Variants in OSBP2 observed in about 807,000 individuals in gnomAD.
OSBP2 encodes the protein oxysterol binding protein 2, also known as oxysterol-binding protein 2.
A neutral mutation model predicts 96.0 loss-of-function variants in OSBP2; 66 were observed. The ratio of observed to expected loss-of-function variants is 0.69; its 90% CI spans 0.56 to 0.84. OSBP2 has a LOEUF of 0.84. Ranked by LOEUF, OSBP2 falls within the 40% of genes least tolerant of loss-of-function variation. OSBP2 has a pLI of 0.00. For synonymous variants in OSBP2, 525 were observed against 520.9 expected (o/e 1.01, Z -0.11); for missense variants, 1,038 against 1,222.7 (o/e 0.85, Z 2.25).
At position 30,730,809 on chromosome 22, in the gene OSBP2, A is replaced by ATATATATAAT. The variant is rs1569100787; in HGVS notation, c.645-10351_645-10350insATATATAATT. Among the ~76,000 whole-genome samples the ATATATATAAT allele has an allele frequency of 1.9e-4, 4 of 21,276 alleles. 1 individual carries two copies. The highest frequency in any genetic ancestry group is 3.4e-4 in the Non-Finnish European group (4 of 11,898). The allele number at this position is 21,276 out of a possible 152,430, so 14.0% of individuals were successfully genotyped here. On this transcript the variant is annotated intron_variant, in intron 1 of 13. Coordinates refer to ENST00000332585, the MANE Select transcript of OSBP2 (RefSeq NM_030758.4). The stretch of plus-strand genomic sequence containing the variant: ...ATATATATATATATATATATATATA[A>ATATATATAAT]TTTTTTTTTTTTTTCCCATGGACAT...
intron 2 of OSBP2, among the ~76,000 whole-genome samples, chr22:30,820,324 G>A (rs1001789266): frequency 6.6e-6 from 1 of 152,086 alleles, no homozygotes; most frequent in African/African-American, 2.4e-5. Context: ...AGGCATTTGA[G>A]TCTGCAGTGA....
intron 2 of OSBP2, among the ~76,000 whole-genome samples, chr22:30,842,084 C>T (rs940166444): frequency 1.3e-5 from 2 of 152,000 alleles, no homozygotes; most frequent in Non-Finnish European, 2.9e-5. Context: ...GTAGCTGGGA[C>T]CACAGGGGTG....
intron 1 of OSBP2, among the ~76,000 whole-genome samples, chr22:30,718,258 T>G (rs563352221): frequency 1.3e-5 from 2 of 152,276 alleles, no homozygotes; most frequent in East Asian, 3.9e-4. Flanking sequence ...GCAAAAGTTG[T>G]GCACTTAAAA....
At chr22:30,701,548 T>C (rs1486209790) in intron 1 of OSBP2, among the ~76,000 whole-genome samples, 1 of 152,028 alleles carries the variant, frequency 6.6e-6, no homozygotes, top group Non-Finnish European at 1.5e-5. Context: ...TTTCACCATG[T>C]TAGCCAGGAT....
rs2038506392 is a variant in OSBP2 at position 30,830,843 on chromosome 22, G to A, written c.854-39586G>A. On this transcript the variant is annotated intron_variant, in intron 2 of 13. Coordinates refer to ENST00000332585, the MANE Select transcript of OSBP2 (RefSeq NM_030758.4). ...TTTTAGGTCTCTATTTTTGGTCAAT[G>A]TTTTTCCTTTATACAAACATCCTTT... is the stretch of plus-strand genomic sequence containing the variant. 2.0e-5 allele frequency among the ~76,000 whole-genome samples: 3 copies of A among 150,316 alleles called. No individual in the cohort carries two copies. In the South Asian group the frequency reaches 6.3e-4, roughly 32 times the overall value.
Position 30,818,977 on chromosome 22 carries a change from G to A in OSBP2, c.854-51452G>A, listed in dbSNP as rs552222026. 2.0e-5 allele frequency among the ~76,000 whole-genome samples: 3 copies of A among 152,284 alleles called. No homozygotes were observed. The South Asian group carries it at 6.2e-4, about 32-fold the overall frequency. The stretch of plus-strand genomic sequence containing the variant: ...TGAACCTCAGGAAGGTTTCAGAGTT[G>A]GTGCACTTGGTTTTAGGACGTCACA... On this transcript the variant is annotated intron_variant, in intron 2 of 13. Transcript: ENST00000332585.
chr22:30,806,128 T>C (rs1360059083), intron 2 of OSBP2, among the ~76,000 whole-genome samples: 2 of 152,148 alleles, frequency 1.3e-5, no homozygotes, highest in African/African-American at 4.8e-5. Context: ...ACCACTGCCA[T>C]CCTTATTATA....
intron 2 of OSBP2, among the ~76,000 whole-genome samples, chr22:30,836,644 A>G (rs1366767456): frequency 1.3e-5 from 2 of 152,226 alleles, no homozygotes; most frequent in Admixed American, 1.3e-4. Flanking sequence ...GTCTTTGGGC[A>G]AGCTTTCAGG....
intron 3 of OSBP2, among the ~76,000 whole-genome samples, chr22:30,883,725 C>T (rs2039747754): frequency 6.6e-6 from 1 of 152,170 alleles, no homozygotes; most frequent in African/African-American, 2.4e-5. Flanking sequence ...GTCTACCCAA[C>T]TCATGGGGCT....
At position 30,705,015 on chromosome 22, in the gene OSBP2, C is replaced by T. The variant is rs146595874; in HGVS notation, c.644+9462C>T. Reference sequence around the variant, plus strand: ...GGGCTGGTTCAAGGAGAGTGAGTGCCCATACTTGGCTTTGAGTGATGGAGT... The same window carrying T: ...GGGCTGGTTCAAGGAGAGTGAGTGCTCATACTTGGCTTTGAGTGATGGAGT... On this transcript the variant is annotated intron_variant, in intron 1 of 13. Transcript: ENST00000332585. Among the ~76,000 whole-genome samples, 854 of 152,276 alleles carry T rather than the reference C, an allele frequency of 5.6e-3. 7 individuals are homozygous for T. The highest frequency in any genetic ancestry group is 0.019 in the African/African-American group (803 of 41,546).
intron 3 of OSBP2, among the ~76,000 whole-genome samples, chr22:30,876,866 C>T (rs2039592829): frequency 6.6e-6 from 1 of 152,178 alleles, no homozygotes; most frequent in African/African-American, 2.4e-5. Context: ...ATTCCAGAGC[C>T]CACTACACTG....
chr22:30,765,093 C>T (rs973854807), intron 2 of OSBP2, among the ~76,000 whole-genome samples: 10 of 152,074 alleles, frequency 6.6e-5, no homozygotes, highest in Non-Finnish European at 1.2e-4. Flanking sequence ...AGGGCCTCAC[C>T]GTGTTGCCCA....
chr22:30,890,940 C>T lies in OSBP2; in HGVS notation c.1836C>T (p.Leu612=), dbSNP rs369023111. 69 of 1,610,914 alleles carry T rather than the reference C, an allele frequency of 4.3e-5. No homozygotes were observed. The highest frequency in any genetic ancestry group is 9.9e-5 in the South Asian group (9 of 91,086). The part of the protein sequence containing the change: ...MLGETFELDR[L]DDMGLRSLCE... ...GGGAGACCTTCGAGCTGGACCGCCT[C>T]GACGACATGGGCCTGCGCTCCCTCT... is the stretch of plus-strand genomic sequence containing the variant. The change falls in exon 8 of 14, where the codon CTC becomes CTT. Residue 612 remains leucine, a synonymous_variant. Transcript: ENST00000332585. This position sits in a 1 kb window ranked among gnomAD's most constrained non-coding sequence, Gnocchi z 4.4.
intron 2 of OSBP2, among the ~76,000 whole-genome samples, chr22:30,858,983 C>T (rs575682066): frequency 1.1e-4 from 17 of 152,024 alleles, no homozygotes; most frequent in Admixed American, 5.9e-4. Context: ...GTACCTCCCA[C>T]GCACCCAGCT....
intron 2 of OSBP2, among the ~76,000 whole-genome samples, chr22:30,830,946 C>G (rs1350482447): frequency 6.6e-6 from 1 of 152,034 alleles, no homozygotes; most frequent in African/African-American, 2.4e-5. Context: ...CACGTTATCG[C>G]AGGCTTTGTG....
chr22:30,794,942 G>A (rs1167457953), intron 2 of OSBP2, among the ~76,000 whole-genome samples: 7 of 142,998 alleles, frequency 4.9e-5, no homozygotes, highest in African/African-American at 1.3e-4. Context: ...ACAGAGTCTC[G>A]CTCTGTCACC....
chr22:30,868,883 C>T (rs2039402880), intron 2 of OSBP2, among the ~76,000 whole-genome samples: 1 of 152,256 alleles, frequency 6.6e-6, no homozygotes, highest in African/African-American at 2.4e-5. Flanking sequence ...AACGTTCTCT[C>T]ACAGTATGCA....
chr22:30,770,282 T>C (rs1029716033), intron 2 of OSBP2, among the ~76,000 whole-genome samples: 1 of 151,942 alleles, frequency 6.6e-6, no homozygotes, highest in Non-Finnish European at 1.5e-5. Flanking sequence ...GTATTTTTAG[T>C]AGAGACAGGG....
At chr22:30,861,141 G>C (rs184538512) in intron 2 of OSBP2, among the ~76,000 whole-genome samples, 1 of 152,116 alleles carries the variant, frequency 6.6e-6, no homozygotes, top group Non-Finnish European at 1.5e-5. Flanking sequence ...TAGCCGGCCC[G>C]GGGGTATTGG....
Sources: gnomAD v4.1 joint callset for allele counts (sites outside exome capture counted in the v4.1 genomes callset) on GRCh38, gnomAD v4.1.1 for gene constraint, Gnocchi (gnomAD v3.1) non-coding constraint, MANE v1.5 for transcripts, NCBI Gene and HGNC (gene_info 2026-07-23, HGNC 2026-07-21) for gene names.